MACROD2: variants seen among roughly 807,000 people sequenced by gnomAD.
MACROD2 encodes the protein mono-ADP ribosylhydrolase 2.
Under a neutral mutation model 70.4 loss-of-function variants are expected in MACROD2, and 36 were observed. The ratio of observed to expected loss-of-function variants is 0.51; its 90% confidence interval spans 0.39 to 0.68. The LOEUF (loss-of-function observed/expected upper bound fraction) is 0.68. Among genes scored for constraint, MACROD2 ranks in the 30% least tolerant of loss-of-function variants. MACROD2 has a pLI of 0.00. For synonymous variants in MACROD2, 172 were observed against 178.8 expected (o/e 0.96, Z 0.30); for missense variants, 496 against 538.4 (o/e 0.92, Z 0.78).
intron 5 of MACROD2, among the ~76,000 whole-genome samples, chr20:14,695,022 G>A (rs2071106355): frequency 6.6e-6 from 1 of 152,004 alleles, no homozygotes; most frequent in Admixed American, 6.6e-5. Flanking sequence ...CTAGTTTAAA[G>A]AAAAGACTGT....
At chr20:14,807,962 G>A (rs191539826) in intron 5 of MACROD2, among the ~76,000 whole-genome samples, 4 of 152,192 alleles carry the variant, frequency 2.6e-5, no homozygotes, top group Non-Finnish European at 4.4e-5. Context: ...CCAAACCTAC[G>A]ATTGATTGGT....
chr20:14,648,621 C>CATATATATAT (rs753035871), intron 4 of MACROD2, among the ~76,000 whole-genome samples: 1,681 of 148,596 alleles, frequency 0.011, 26 homozygotes, highest in African/African-American at 0.037. Flanking sequence ...TTTATTTAAA[C>CATATATATAT]ATATATATAT....
intron 6 of MACROD2, among the ~76,000 whole-genome samples, chr20:15,423,362 G>A (rs538996588): frequency 5.3e-5 from 8 of 152,280 alleles, no homozygotes; most frequent in South Asian, 2.1e-4. Flanking sequence ...TAAATGTCAC[G>A]TCCATTATTA....
chr20:15,632,137 T>C (rs2049299789), intron 8 of MACROD2, among the ~76,000 whole-genome samples: 1 of 151,392 alleles, frequency 6.6e-6, no homozygotes, highest in Admixed American at 6.6e-5. Flanking sequence ...AAATTTGAGC[T>C]TGAGCGAGTT....
At chr20:15,027,708 A>G (rs1032586316) in intron 5 of MACROD2, among the ~76,000 whole-genome samples, 4 of 79,954 alleles carry the variant, frequency 5.0e-5, no homozygotes, top group Admixed American at 1.5e-4. Flanking sequence ...CTCTCTAATT[A>G]AAAAAAAAAA....
chr20:14,717,189 CAG>C (rs1211316364), intron 5 of MACROD2, among the ~76,000 whole-genome samples: 2 of 152,118 alleles, frequency 1.3e-5, no homozygotes, highest in East Asian at 1.9e-4. Flanking sequence ...TACTATAAAA[CAG>C]AATATAGAAA....
chr20:15,336,387 G>A (rs200236238), intron 6 of MACROD2, among the ~76,000 whole-genome samples: 85 of 145,202 alleles, frequency 5.9e-4, no homozygotes, highest in Middle Eastern at 3.5e-3. Flanking sequence ...AAAAAAAAAA[G>A]AAAAAAAAAG....
chr20:15,547,449 G>T (rs1475136364), intron 8 of MACROD2, among the ~76,000 whole-genome samples: 1 of 152,082 alleles, frequency 6.6e-6, no homozygotes, highest in South Asian at 2.1e-4. Flanking sequence ...TCTATTCCAT[G>T]TTCTTGATGA....
intron 8 of MACROD2, among the ~76,000 whole-genome samples, chr20:15,653,111 T>C (rs2049670716): frequency 6.6e-6 from 1 of 152,198 alleles, no homozygotes; most frequent in Non-Finnish European, 1.5e-5. Flanking sequence ...CTACACACTC[T>C]TCAAATCCTA....
intron 3 of MACROD2, among the ~76,000 whole-genome samples, chr20:14,232,466 T>A (rs1198035011): frequency 1.3e-5 from 2 of 152,226 alleles, no homozygotes; most frequent in African/African-American, 4.8e-5. Flanking sequence ...CTTAGCTAGA[T>A]CTAGATAACT....
At chr20:15,874,634 G>A (rs2064641170) in intron 9 of MACROD2, among the ~76,000 whole-genome samples, 1 of 152,144 alleles carries the variant, frequency 6.6e-6, no homozygotes, top group Admixed American at 6.6e-5. Flanking sequence ...GTATCTCATT[G>A]TGGTTTCAAT....
chr20:14,577,236 A>G (rs1363531124), intron 4 of MACROD2, among the ~76,000 whole-genome samples: 1 of 152,240 alleles, frequency 6.6e-6, no homozygotes. Flanking sequence ...AAAATGCTAT[A>G]TGTGAGTATC....
intron 5 of MACROD2, among the ~76,000 whole-genome samples, chr20:14,929,793 C>T (rs573647418): frequency 2.0e-5 from 3 of 152,240 alleles, no homozygotes; most frequent in Non-Finnish European, 2.9e-5. Context: ...CCCTATCACT[C>T]GGATAATTCC....
rs11333280 is a variant in MACROD2, at chr20:15,210,552, G to GTTT, written c.419-19373_419-19371dup. Reference sequence around the variant, plus strand: ...ACCGTTTCTTTTATTCTTTTCTTCTGTTTTTTTTTTTTTTTTTGGTTTATT... The same window carrying GTTT: ...ACCGTTTCTTTTATTCTTTTCTTCTGTTTTTTTTTTTTTTTTTTTTGGTTTATT... On this transcript the variant is annotated intron_variant, in intron 5 of 17. Coordinates refer to ENST00000684519, the MANE Select transcript of MACROD2 (RefSeq NM_001351661.2). Among the ~76,000 whole-genome samples, 922 of 121,450 alleles carry GTTT rather than the reference G, an allele frequency of 7.6e-3. 6 individuals are homozygous for GTTT. Among genetic ancestry groups the GTTT allele is most frequent in the South Asian group, 0.01 (37 of 3,562 alleles). 79.7% of individuals were successfully genotyped at this position (121,450 alleles called of 152,430 possible). A position where few individuals can be genotyped will look rare whatever the true frequency, so the allele number is the denominator to read the frequency against.
chr20:15,992,852 T>G (rs1435691501), intron 15 of MACROD2, among the ~76,000 whole-genome samples: 2 of 152,204 alleles, frequency 1.3e-5, no homozygotes, highest in Non-Finnish European at 2.9e-5. Flanking sequence ...CTTTAAATAT[T>G]GAGCTTTTTA....
chr20:15,550,936 A>T (rs566659070), intron 8 of MACROD2, among the ~76,000 whole-genome samples: 1 of 152,320 alleles, frequency 6.6e-6, no homozygotes, highest in Non-Finnish European at 1.5e-5. Context: ...CTCAATACTG[A>T]AGTGAAAATT....
intron 8 of MACROD2, among the ~76,000 whole-genome samples, chr20:15,538,946 T>A (rs1234018454): frequency 6.6e-6 from 1 of 152,112 alleles, no homozygotes; most frequent in Non-Finnish European, 1.5e-5. Flanking sequence ...CATGCAATTA[T>A]AACTGTATGG....
chr20:14,549,603 G>C (rs1197477982), intron 4 of MACROD2, among the ~76,000 whole-genome samples: 1 of 151,108 alleles, frequency 6.6e-6, no homozygotes, highest in African/African-American at 2.4e-5. Context: ...TTTTTCAGAT[G>C]TTTTCAAGGC....
At chr20:15,827,871 T>C (rs1432510163) in intron 8 of MACROD2, among the ~76,000 whole-genome samples, 2 of 152,216 alleles carry the variant, frequency 1.3e-5, no homozygotes, top group African/African-American at 4.8e-5. Flanking sequence ...CCTGAAGAAT[T>C]GACAGAGTTG....
Sources: gnomAD v4.1 joint callset for allele counts (sites outside exome capture counted in the v4.1 genomes callset) on GRCh38, gnomAD v4.1.1 for gene constraint, MANE v1.5 for transcripts, NCBI Gene and HGNC (gene_info 2026-07-23, HGNC 2026-07-21) for gene names.